Variants in ADGRD1 observed in about 807,000 individuals in gnomAD.
The protein encoded by ADGRD1 is adhesion G protein-coupled receptor D1.
ADGRD1 carries 77 observed loss-of-function variants against 113.4 expected under a neutral mutation model. The ratio of observed to expected loss-of-function variants is 0.68; its 90% CI spans 0.57 to 0.82. The LOEUF is 0.82. Among genes scored for constraint, ADGRD1 ranks in the 40% least tolerant of loss-of-function variants. The pLI, the probability that ADGRD1 is intolerant of heterozygous loss-of-function variation, is 0.00. For missense variants in ADGRD1, 1,036 were observed against 1,139.1 expected (o/e 0.91, Z 1.30); for synonymous variants, 474 against 475.0 (o/e 1.00, Z 0.03).
intron 12 of ADGRD1, among the ~76,000 whole-genome samples, chr12:131,009,881 G>T (rs1439915010): frequency 1.3e-5 from 2 of 152,242 alleles, no homozygotes; most frequent in Non-Finnish European, 2.9e-5. Context: ...AATGATAAGA[G>T]CTGAGAGTGT....
chr12:130,992,783 T>C (rs1874601128), intron 8 of ADGRD1, among the ~76,000 whole-genome samples: 2 of 152,266 alleles, frequency 1.3e-5, no homozygotes, highest in Non-Finnish European at 2.9e-5. Flanking sequence ...CCACAGCCTG[T>C]GCACAGTGGG....
At chr12:131,040,955 C>T (rs1055657514) in intron 13 of ADGRD1, among the ~76,000 whole-genome samples, 19 of 152,216 alleles carry the variant, frequency 1.2e-4, no homozygotes, top group Admixed American at 1.1e-3. Flanking sequence ...GAACTTCTCG[C>T]GGTGCAGGTC....
At chr12:130,987,860 T>A (rs12810656) in intron 6 of ADGRD1, 15,671 of 177,474 alleles carry the variant, frequency 0.088, 903 homozygotes, top group Middle Eastern at 0.15. Context: ...AATTCATATA[T>A]CATAAACATA....
rs550771244 is a variant in ADGRD1 at position 131,108,947 on chromosome 12, G to A, written c.2041+70G>A. ...GAAGAGACAGGTGGGGATGGGGCAG[G>A]TAGGACAGGATGAGACAGGTGGAAG... On this transcript the variant is annotated intron_variant, in intron 18 of 24. Transcript: ENST00000261654. The A allele has an allele frequency of 2.8e-5, 19 of 687,846 alleles. No homozygotes were observed. In the South Asian group the frequency reaches 3.0e-4, roughly 11 times the overall value. The allele number at this position is 687,846 out of a possible 1,614,324, so 42.6% of individuals were successfully genotyped here.
chr12:131,023,434 T>A (rs1879558789), intron 13 of ADGRD1: 1 of 152,048 alleles, frequency 6.6e-6, no homozygotes, highest in Non-Finnish European at 1.5e-5. Context: ...TGCACCCTGT[T>A]CCCACCCACT....
intron 13 of ADGRD1, among the ~76,000 whole-genome samples, chr12:131,034,183 C>T (rs1881125938): frequency 2.0e-5 from 3 of 152,238 alleles, no homozygotes; most frequent in African/African-American, 7.2e-5. Context: ...GCCCTTCTTC[C>T]CCTGCCCACC....
chr12:131,085,189 CTGTGT>C (rs1886369746), intron 15 of ADGRD1, among the ~76,000 whole-genome samples: 1 of 152,204 alleles, frequency 6.6e-6, no homozygotes, highest in African/African-American at 2.4e-5. Flanking sequence ...GGGAACGAGG[CTGTGT>C]TCACGGAGTG....
chr12:130,955,123 C>CTTTTT lies in ADGRD1; in HGVS notation c.103+472_103+476dup, dbSNP rs71451389. On this transcript the variant is annotated intron_variant, in intron 2 of 24. Coordinates refer to ENST00000261654, the MANE Select transcript of ADGRD1 (RefSeq NM_198827.5). ...CACAGGTGTGCACCACTACACCCAG[C>CTTTTT]TTTTTTTTTTTTTGTATTTTTAGTA... Among the ~76,000 whole-genome samples, 246 of 99,614 alleles carry CTTTTT rather than the reference C, an allele frequency of 2.5e-3. 9 individuals are homozygous for CTTTTT. The highest frequency in any genetic ancestry group is 5.0e-3 in the East Asian group (19 of 3,834). The allele number at this position is 99,614 out of a possible 152,430, so 65.4% of individuals were successfully genotyped here. A position where few individuals can be genotyped will look rare whatever the true frequency, so the allele number is the denominator to read the frequency against.
In ADGRD1 at chr12:130,954,481, C is replaced by T. The variant is rs1228724778; in HGVS notation, c.16C>T (p.Arg6Trp). 4.5e-6 allele frequency: 7 copies of T among 1,557,954 alleles called. No individual in the cohort carries two copies. Among genetic ancestry groups the T allele is most frequent in the Non-Finnish European group, 5.2e-6 (6 of 1,151,738 alleles). ...CGAGAGAGCCATGGAAAAGCTGCTG[C>T]GGCTGTGCTGCTGGTACTCCTGGCT... MEKLL[R>W]LCCWYSWLLL... The change falls in exon 1 of 25, where the codon CGG becomes TGG. Residue 6 changes from arginine to tryptophan, a missense_variant. Coordinates refer to ENST00000261654, the MANE Select transcript of ADGRD1 (RefSeq NM_198827.5). The surrounding 1 kb of genome is among the most constrained non-coding windows in gnomAD (Gnocchi z 4.7).
rs145586881 is a variant in ADGRD1 at position 131,082,762 on chromosome 12, G to A, written c.1548-1778G>A. ...GTCTTTAAGTCCCATCAATTCTGAA[G>A]TTATTAATGGGGTTTTGCTCCTCTC... On this transcript the variant is annotated intron_variant, in intron 14 of 24. Coordinates refer to ENST00000261654, the MANE Select transcript of ADGRD1 (RefSeq NM_198827.5). 2.5e-4 allele frequency among the ~76,000 whole-genome samples: 38 copies of A among 152,326 alleles called. No homozygotes were observed. The East Asian group carries it at 7.1e-3, about 29-fold the overall frequency.
intron 24 of ADGRD1, 45 bp downstream of exon 24, chr12:131,138,274 TC>T: frequency 6.5e-7 from 1 of 1,542,164 alleles, no homozygotes; most frequent in Non-Finnish European, 8.9e-7. Context: ...CCATCCTCCT[TC>T]CCCAGGCTCG....
chr12:130,976,575 T>C lies in ADGRD1; in HGVS notation c.310+4995T>C, dbSNP rs375499954. Among the ~76,000 whole-genome samples the C allele has an allele frequency of 4.5e-4, 69 of 152,270 alleles. No individual in the cohort carries two copies. In the South Asian group the frequency reaches 6.7e-3, roughly 15 times the overall value. On this transcript the variant is annotated intron_variant, in intron 4 of 24. Coordinates refer to ENST00000261654, the MANE Select transcript of ADGRD1 (RefSeq NM_198827.5). ...GGAATCCGCGGCTGACTATACGTGC[T>C]TGGTTTGGTGGGCGCCGTGTTGATC...
At chr12:131,133,070 G>T (rs1246697817) in intron 21 of ADGRD1, among the ~76,000 whole-genome samples, 1 of 152,108 alleles carries the variant, frequency 6.6e-6, no homozygotes, top group African/African-American at 2.4e-5. Flanking sequence ...AGAGATGCTC[G>T]TGGGGTCAGA....
chr12:131,076,536 G>A (rs1468337417), intron 13 of ADGRD1, among the ~76,000 whole-genome samples: 15 of 151,986 alleles, frequency 9.9e-5, no homozygotes, highest in African/African-American at 3.4e-4. Context: ...GGGGAGGCAC[G>A]TCCTAGGAGG....
chr12:131,070,889 G>C (rs747525623), intron 13 of ADGRD1: 4 of 519,020 alleles, frequency 7.7e-6, no homozygotes, highest in African/African-American at 1.9e-5. Flanking sequence ...CTGGAGAGTC[G>C]GGTGAGTCTG....
intron 23 of ADGRD1, chr12:131,137,929 C>A (rs1951136605): frequency 1.8e-6 from 1 of 561,844 alleles, no homozygotes; most frequent in Admixed American, 2.8e-5. Context: ...ACTCCACACC[C>A]AGCTTCCCTG....
At chr12:130,968,163 T>G (rs888191030) in intron 3 of ADGRD1, 3 of 152,200 alleles carry the variant, frequency 2.0e-5, no homozygotes, top group Admixed American at 6.5e-5. Flanking sequence ...TGTGGTGGCT[T>G]AAATCAGTAA....
chr12:131,139,283 G>C lies in ADGRD1; in HGVS notation c.*20G>C. ...GTGTGAGCCGGGAGGCTGCCAACCA[G>C]GCCAGGCTGCGCTCAGAACACACCC... is the stretch of plus-strand genomic sequence containing the variant. On this transcript the variant is annotated 3_prime_UTR_variant, in exon 25 of 25. Transcript: ENST00000261654. 1 of 1,574,194 alleles carries C rather than the reference G, an allele frequency of 6.4e-7. No homozygotes were observed. Among genetic ancestry groups the C allele is most frequent in the Non-Finnish European group, 8.7e-7 (1 of 1,148,898 alleles).
chr12:130,988,515 T>C (rs1755290430), intron 6 of ADGRD1: 1 of 152,242 alleles, frequency 6.6e-6, no homozygotes, highest in East Asian at 1.9e-4. Context: ...TAGGACCCTA[T>C]TGATTGCATG....
Sources: allele counts gnomAD v4.1 joint callset (sites outside exome capture counted in the v4.1 genomes callset), GRCh38; gene constraint gnomAD v4.1.1; non-coding constraint Gnocchi (gnomAD v3.1); transcripts MANE v1.5; gene names NCBI Gene and HGNC (gene_info 2026-07-23, HGNC 2026-07-21).